The following XRRA1 variants were observed in gnomAD, a reference collection of about 807,000 sequenced individuals.
The protein encoded by XRRA1 is X-ray radiation resistance-associated protein 1.
XRRA1 carries 69 observed loss-of-function variants against 80.2 expected under a neutral mutation model. That is an observed-to-expected ratio of 0.86 (90% CI 0.71 to 1.05). XRRA1 has a LOEUF of 1.05. Ranked by LOEUF, XRRA1 falls within the 50% of genes least tolerant of loss-of-function variation. The pLI, the probability that XRRA1 is intolerant of heterozygous loss-of-function variation, is 0.00. For missense variants in XRRA1, 967 were observed against 976.4 expected (o/e 0.99, Z 0.13); for synonymous variants, 348 against 389.9 (o/e 0.89, Z 1.27).
At position 74,933,774 on chromosome 11, in the gene XRRA1, A is replaced by C. The variant is rs1168614122; in HGVS notation, c.351+27T>G. 1.9e-6 allele frequency: 3 copies of C among 1,565,862 alleles called. No individual in the cohort carries two copies. In the African/African-American group the frequency reaches 4.1e-5, roughly 21 times the overall value. On this transcript the variant is annotated intron_variant, in intron 5 of 18. Transcript: ENST00000684022. Reference sequence around the variant, plus strand: ...CGCCACCTCAAGTCTGGCTCACCCCAATCACATCTTTGCTGGCTGACCTCA... The same window carrying C: ...CGCCACCTCAAGTCTGGCTCACCCCCATCACATCTTTGCTGGCTGACCTCA...
intron 2 of XRRA1, among the ~76,000 whole-genome samples, chr11:74,941,503 CAAG>C (rs1230563610): frequency 6.6e-6 from 1 of 152,056 alleles, no homozygotes; most frequent in African/African-American, 2.4e-5. Context: ...CAATGTGACC[CAAG>C]AAGGAGAGGG....
chr11:74,919,838 T>C (rs1940105392), intron 8 of XRRA1: 7 of 417,230 alleles, frequency 1.7e-5, no homozygotes, highest in Non-Finnish European at 2.3e-5. Flanking sequence ...CCATGCCGAA[T>C]CCATGTGCAG....
At chr11:74,877,398 A>G (rs1018090013) in intron 10 of XRRA1, among the ~76,000 whole-genome samples, 4 of 152,190 alleles carry the variant, frequency 2.6e-5, no homozygotes, top group Admixed American at 6.5e-5. Context: ...GCTATCAGGT[A>G]TCAAACTCTA....
Position 74,908,487 on chromosome 11 carries a change from G to A in XRRA1, c.657-1214C>T, listed in dbSNP as rs191305216. On this transcript the variant is annotated intron_variant, in intron 8 of 18. Coordinates refer to ENST00000684022, the MANE Select transcript of XRRA1 (RefSeq NM_001378157.1). ...ACAAAGGTTGGCAGTGAGTTCAAAA[G>A]CTAGGACAGTAATGTATACCTGAAG... 1.4e-4 allele frequency among the ~76,000 whole-genome samples: 22 copies of A among 152,322 alleles called. No homozygotes were observed. The East Asian group carries it at 4.1e-3, about 28-fold the overall frequency.
At position 74,847,624 on chromosome 11, in the gene XRRA1, ATC is replaced by A. The variant is rs1377652455; in HGVS notation, c.1728+489_1728+490del. Among the ~76,000 whole-genome samples, 7 of 152,114 alleles carry A rather than the reference ATC, an allele frequency of 4.6e-5. 1 individual carries two copies. The highest frequency in any genetic ancestry group is 4.6e-4 in the Admixed American group (7 of 15,278). On this transcript the variant is annotated intron_variant, in intron 15 of 18. Transcript: ENST00000684022. ...AGCCCTCCTGGGCTGGGGCAGAGGC[ATC>A]TCTCCTTCCTCCAGACTCCCAGCCT...
At chr11:74,887,893 C>A (rs558894694) in intron 10 of XRRA1, among the ~76,000 whole-genome samples, 1 of 152,062 alleles carries the variant, frequency 6.6e-6, no homozygotes, top group East Asian at 1.9e-4. Context: ...CCGCCATTGC[C>A]GAGGCTTGAG....
intron 15 of XRRA1, among the ~76,000 whole-genome samples, chr11:74,847,420 C>T (rs2038569034): frequency 6.6e-6 from 1 of 152,200 alleles, no homozygotes; most frequent in Admixed American, 6.5e-5. Flanking sequence ...TTGCCACATG[C>T]CACCCTTCTG....
chr11:74,865,208 G>A (rs1591735913), intron 10 of XRRA1, among the ~76,000 whole-genome samples: 2 of 152,142 alleles, frequency 1.3e-5, no homozygotes, highest in Middle Eastern at 3.4e-3. Flanking sequence ...CATCTGCATA[G>A]GGACTTGCTA....
At chr11:74,942,847 G>T (rs2139986804) in intron 2 of XRRA1, among the ~76,000 whole-genome samples, 1 of 152,334 alleles carries the variant, frequency 6.6e-6, no homozygotes, top group East Asian at 1.9e-4. Flanking sequence ...TTAACAGGAT[G>T]AGAAAAGCTT....
intron 7 of XRRA1, among the ~76,000 whole-genome samples, chr11:74,923,029 G>A (rs924088132): frequency 2.6e-5 from 4 of 152,142 alleles, no homozygotes; most frequent in South Asian, 2.1e-4. Flanking sequence ...CAATGCTGCT[G>A]GGATAGATGT....
chr11:74,879,408 A>C (rs979285792), intron 10 of XRRA1, among the ~76,000 whole-genome samples: 1 of 152,252 alleles, frequency 6.6e-6, no homozygotes, highest in Non-Finnish European at 1.5e-5. Context: ...TGTTGTCTGC[A>C]AAGAGGGACA....
At chr11:74,852,159 GCAGGGC>G in intron 12 of XRRA1, 77 bp from the exon 13 acceptor site, 1 of 1,204,064 alleles carries the variant, frequency 8.3e-7, no homozygotes, top group South Asian at 1.2e-5. Flanking sequence ...GCCCCTCACT[GCAGGGC>G]TACATGCTTG....
chr11:74,924,638 A>G (rs905360537), intron 7 of XRRA1, among the ~76,000 whole-genome samples: 2 of 152,088 alleles, frequency 1.3e-5, no homozygotes, highest in African/African-American at 2.4e-5. Context: ...GTTCGAGACT[A>G]GCCTGGCCAA....
chr11:74,941,897 G>A (rs1468051441), intron 2 of XRRA1, among the ~76,000 whole-genome samples: 1 of 152,124 alleles, frequency 6.6e-6, no homozygotes, highest in East Asian at 1.9e-4. Flanking sequence ...AGAAGTATGA[G>A]CATTTCATGT....
intron 10 of XRRA1, among the ~76,000 whole-genome samples, chr11:74,873,281 T>C (rs1270117044): frequency 6.6e-6 from 1 of 152,072 alleles, no homozygotes; most frequent in Non-Finnish European, 1.5e-5. Context: ...ACCCCAATAT[T>C]AGGAGTGCAA....
intron 10 of XRRA1, among the ~76,000 whole-genome samples, chr11:74,888,549 C>T (rs59143825): frequency 0.25 from 38,374 of 152,116 alleles, 5,764 homozygotes; most frequent in East Asian, 0.53. Flanking sequence ...TCACCAGCAA[C>T]GGAACAAAGC....
At chr11:74,900,527 A>T (rs2053392399) in intron 10 of XRRA1, among the ~76,000 whole-genome samples, 1 of 152,150 alleles carries the variant, frequency 6.6e-6, no homozygotes, top group Non-Finnish European at 1.5e-5. Flanking sequence ...GGCTGCGGTG[A>T]GCCAAGATCG....
Position 74,845,074 on chromosome 11 carries a change from C to T in XRRA1, c.1926G>A (p.Lys642=). The T allele has an allele frequency of 6.2e-7, 1 of 1,613,322 alleles. No homozygotes were observed. The highest frequency in any genetic ancestry group is 1.3e-5 in the African/African-American group (1 of 75,060). Residue 642 remains lysine, a splice_region_variant and synonymous_variant, in exon 16 of 19, where the codon AAG becomes AAA. Coordinates refer to ENST00000684022, the MANE Select transcript of XRRA1 (RefSeq NM_001378157.1). The part of the protein sequence containing the change: ...AKPDPAFIEP[K]GIQKNAQALQ... ...GAGCAAGGATATGCCCTCACATACCCTTTGGCTCAATGAAGGCTGGATCAG... is the reference window on the plus strand; with the variant it reads ...GAGCAAGGATATGCCCTCACATACCTTTTGGCTCAATGAAGGCTGGATCAG...
chr11:74,853,078 T>G (rs1249540785), intron 12 of XRRA1, among the ~76,000 whole-genome samples: 2 of 152,208 alleles, frequency 1.3e-5, no homozygotes, highest in African/African-American at 2.4e-5. Flanking sequence ...TTGTTAGGAA[T>G]GAGCAAAACA....
Sources: allele counts gnomAD v4.1 joint callset (sites outside exome capture counted in the v4.1 genomes callset), GRCh38; gene constraint gnomAD v4.1.1; transcripts MANE v1.5; gene names NCBI Gene and HGNC (gene_info 2026-07-23, HGNC 2026-07-21).